The following RGS7 variants were observed in gnomAD, a reference collection of about 807,000 sequenced individuals.
The protein encoded by RGS7 is regulator of G protein signaling 7.
A neutral mutation model predicts 81.1 loss-of-function variants in RGS7; 27 were observed. The observed-to-expected ratio is 0.33, with a 90% confidence interval of 0.25 to 0.46. RGS7 has a LOEUF of 0.46. Among genes scored for constraint, RGS7 ranks in the 20% least tolerant of loss-of-function variants. The pLI is 1.00. For missense variants in RGS7, 396 were observed against 607.4 expected, an observed-to-expected ratio of 0.65 and a Z score of 3.66; for synonymous variants, 208 against 207.7, an observed-to-expected ratio of 1.00 and a Z score of -0.01.
intron 9 of RGS7, among the ~76,000 whole-genome samples, chr1:240,856,436 G>T (rs115153752): frequency 6.6e-6 from 1 of 152,084 alleles, no homozygotes; most frequent in Non-Finnish European, 1.5e-5. Context: ...ATAAATGTTG[G>T]TTGAAAGACA....
At chr1:241,297,682 G>A (rs1258740830) in intron 2 of RGS7, among the ~76,000 whole-genome samples, 1 of 152,226 alleles carries the variant, frequency 6.6e-6, no homozygotes, top group Non-Finnish European at 1.5e-5. Flanking sequence ...AACAATTTCT[G>A]TGCTGAACCA....
chr1:241,051,865 C>G (rs758020134), intron 3 of RGS7, among the ~76,000 whole-genome samples: 2 of 152,128 alleles, frequency 1.3e-5, no homozygotes, highest in Non-Finnish European at 2.9e-5. Flanking sequence ...ATAATTATTA[C>G]TATCTCATTT....
chr1:241,257,577 G>A lies in RGS7; in HGVS notation c.78+98122C>T, dbSNP rs187621288. ...CCCAAAATGTTTTTATCTAATTTAA[G>A]GGGAAACAATACATTTCCCTTTGGG... On this transcript the variant is annotated intron_variant, in intron 2 of 18. Transcript: ENST00000440928. 3.3e-4 allele frequency among the ~76,000 whole-genome samples: 50 copies of A among 152,250 alleles called. 1 individual carries two copies. In the Middle Eastern group the frequency reaches 0.01, roughly 31 times the overall value.
At chr1:241,080,931 T>C (rs905679422) in intron 3 of RGS7, among the ~76,000 whole-genome samples, 10 of 152,208 alleles carry the variant, frequency 6.6e-5, no homozygotes, top group African/African-American at 2.4e-4. Context: ...ATTTAATTTA[T>C]GGCCTGAGGA....
chr1:240,998,732 C>T, intron 3 of RGS7: 1 of 894,354 alleles, frequency 1.1e-6, no homozygotes, highest in Non-Finnish European at 1.8e-6. Context: ...CCGTGACGGT[C>T]ACCTCATCAT....
intron 3 of RGS7, among the ~76,000 whole-genome samples, chr1:241,052,358 C>T (rs1385832397): frequency 3.9e-5 from 6 of 151,990 alleles, no homozygotes; most frequent in African/African-American, 1.2e-4. Context: ...TTGAGGTGGA[C>T]GTTAACAGAT....
intron 3 of RGS7, among the ~76,000 whole-genome samples, chr1:241,087,581 C>T (rs1420804021): frequency 6.6e-6 from 1 of 152,098 alleles, no homozygotes; most frequent in Non-Finnish European, 1.5e-5. Flanking sequence ...TAATCAAATA[C>T]TACTTACTGT....
chr1:241,117,584 G>T (rs1314269524), intron 2 of RGS7, among the ~76,000 whole-genome samples: 2 of 152,102 alleles, frequency 1.3e-5, no homozygotes, highest in African/African-American at 4.8e-5. Flanking sequence ...CTGAGTGGAG[G>T]GACTTAAGCA....
rs765728549 is a variant in RGS7, at chr1:240,935,097, C to T, written c.333+1503G>A. Among the ~76,000 whole-genome samples the T allele has an allele frequency of 1.2e-3, 184 of 151,188 alleles. 6 individuals are homozygous for T. Among genetic ancestry groups the T allele is most frequent in the Non-Finnish European group, 3.5e-4 (24 of 67,838 alleles). On this transcript the variant is annotated intron_variant, in intron 5 of 18. Transcript: ENST00000440928. ...TTTTTTTAGTAGAGATGAGGTTTCA[C>T]CATGTTGGCCAGGCTGGTCTCAAAC...
At chr1:241,338,768 G>C (rs1336333824) in intron 2 of RGS7, among the ~76,000 whole-genome samples, 2 of 150,554 alleles carry the variant, frequency 1.3e-5, no homozygotes, top group African/African-American at 2.4e-5. Flanking sequence ...ATGTATACTG[G>C]AAATTACTTG....
At chr1:240,949,643 T>G (rs1679218185) in intron 4 of RGS7, among the ~76,000 whole-genome samples, 1 of 150,862 alleles carries the variant, frequency 6.6e-6, no homozygotes, top group Non-Finnish European at 1.5e-5. Context: ...AGGTCAGGAG[T>G]TTGAGATGAG....
chr1:241,081,515 G>C lies in RGS7; in HGVS notation c.175+17151C>G, dbSNP rs533210050. Among the ~76,000 whole-genome samples the C allele has an allele frequency of 9.8e-5, 15 of 152,298 alleles. No individual in the cohort carries two copies. In the East Asian group the frequency reaches 2.7e-3, roughly 27 times the overall value. ...GGGGTAGAAATGTATTAGAGGTTTGGGGAAACACTAAATAAAGTACATCGA... is the reference window on the plus strand; with the variant it reads ...GGGGTAGAAATGTATTAGAGGTTTGCGGAAACACTAAATAAAGTACATCGA... On this transcript the variant is annotated intron_variant, in intron 3 of 18. Coordinates refer to ENST00000440928, the MANE Select transcript of RGS7 (RefSeq NM_001364886.1).
At chr1:241,268,957 C>A (rs1164282884) in intron 2 of RGS7, among the ~76,000 whole-genome samples, 1 of 152,172 alleles carries the variant, frequency 6.6e-6, no homozygotes, top group Non-Finnish European at 1.5e-5. Flanking sequence ...CCCAATGCCC[C>A]ATGTTTAACT....
At chr1:240,917,015 T>C (rs1672724294) in intron 6 of RGS7, among the ~76,000 whole-genome samples, 1 of 152,142 alleles carries the variant, frequency 6.6e-6, no homozygotes, top group Admixed American at 6.6e-5. Flanking sequence ...GTGGATGGGA[T>C]GAGGGAAACC....
chr1:241,115,746 C>T (rs192024499), intron 2 of RGS7, among the ~76,000 whole-genome samples: 3 of 152,158 alleles, frequency 2.0e-5, no homozygotes, highest in Non-Finnish European at 4.4e-5. Context: ...CTGACATGGA[C>T]GACAATGACT....
intron 2 of RGS7, among the ~76,000 whole-genome samples, chr1:241,174,783 G>A (rs951790280): frequency 3.3e-5 from 5 of 151,718 alleles, no homozygotes; most frequent in African/African-American, 9.7e-5. Flanking sequence ...TATGAGAGGT[G>A]GTCCTGTGAG....
chr1:240,932,918 C>G (rs1429060315), intron 5 of RGS7, among the ~76,000 whole-genome samples: 10 of 110,430 alleles, frequency 9.1e-5, no homozygotes, highest in African/African-American at 2.9e-4. Context: ...GAGTCTCGCT[C>G]TGTCGCCCAG....
At chr1:241,220,639 T>C (rs1401578680) in intron 2 of RGS7, among the ~76,000 whole-genome samples, 2 of 152,266 alleles carry the variant, frequency 1.3e-5, no homozygotes, top group East Asian at 3.9e-4. Context: ...GAAGAACTGC[T>C]CTAACCTTGG....
intron 2 of RGS7, among the ~76,000 whole-genome samples, chr1:241,315,107 C>CTTCTTTT (rs2080790774): frequency 1.7e-5 from 1 of 57,432 alleles, no homozygotes; most frequent in African/African-American, 7.5e-5. Context: ...TCTTCTTCTT[C>CTTCTTTT]TTTTTTTTTT....
Sources: gnomAD v4.1 joint callset for allele counts (sites outside exome capture counted in the v4.1 genomes callset) on GRCh38, gnomAD v4.1.1 for gene constraint, MANE v1.5 for transcripts, NCBI Gene and HGNC (gene_info 2026-07-23, HGNC 2026-07-21) for gene names.